RABGAP1L: variants seen among roughly 807,000 people sequenced by gnomAD.
The protein encoded by RABGAP1L is rab GTPase-activating protein 1-like.
A neutral mutation model predicts 137.7 loss-of-function variants in RABGAP1L; 63 were observed. The observed-to-expected ratio is 0.46, with a 90% CI of 0.37 to 0.56. The LOEUF (loss-of-function observed/expected upper bound fraction) is 0.56. Ranked by LOEUF, RABGAP1L falls within the 20% of genes least tolerant of loss-of-function variation. RABGAP1L has a pLI of 0.00. For synonymous variants in RABGAP1L, 431 were observed against 433.7 expected, an observed-to-expected ratio of 0.99 and a Z score of 0.08; for missense variants, 1,095 against 1,244.0, an observed-to-expected ratio of 0.88 and a Z score of 1.80.
chr1:174,599,727 C>G (rs901630327), intron 13 of RABGAP1L, among the ~76,000 whole-genome samples: 2 of 151,908 alleles, frequency 1.3e-5, no homozygotes. Flanking sequence ...TTATTTGTTT[C>G]TTTTCTTTTG....
chr1:174,980,255 C>T (rs1295276881), intron 23 of RABGAP1L, among the ~76,000 whole-genome samples: 3 of 151,950 alleles, frequency 2.0e-5, no homozygotes, highest in African/African-American at 4.8e-5. Flanking sequence ...TATTCACGGA[C>T]GATTGATAAA....
chr1:174,868,080 G>A (rs1051329470), intron 19 of RABGAP1L, among the ~76,000 whole-genome samples: 4 of 151,800 alleles, frequency 2.6e-5, no homozygotes, highest in Admixed American at 2.0e-4. Flanking sequence ...TCAGCCTCCC[G>A]AGTAGCTAGA....
chr1:174,721,840 A>G (rs1681562673), intron 17 of RABGAP1L, among the ~76,000 whole-genome samples: 2 of 152,208 alleles, frequency 1.3e-5, no homozygotes, highest in African/African-American at 4.8e-5. Context: ...TTGAAAATCT[A>G]AAATTACTCC....
chr1:174,803,925 TAGTC>T (rs1399924416), intron 18 of RABGAP1L, among the ~76,000 whole-genome samples: 1 of 151,538 alleles, frequency 6.6e-6, no homozygotes, highest in African/African-American at 2.4e-5. Flanking sequence ...ATACAAAAAT[TAGTC>T]AGGTGTGGGG....
intron 18 of RABGAP1L, among the ~76,000 whole-genome samples, chr1:174,806,121 A>G (rs573564214): frequency 1.3e-5 from 2 of 152,216 alleles, no homozygotes; most frequent in South Asian, 4.1e-4. Context: ...AGCACAACCT[A>G]TTTTGGGTAC....
At chr1:174,272,539 A>T in intron 8 of RABGAP1L, 59 bp downstream of exon 8, 1 of 1,415,458 alleles carries the variant, frequency 7.1e-7, no homozygotes, top group East Asian at 2.7e-5. Context: ...TATATTTGAC[A>T]AGTATTTTCT....
chr1:174,216,146 G>A (rs953505062), intron 1 of RABGAP1L, among the ~76,000 whole-genome samples: 5 of 152,198 alleles, frequency 3.3e-5, no homozygotes, highest in Admixed American at 1.3e-4. Flanking sequence ...AAGCTGAAAA[G>A]GGTAGTGGGA....
At chr1:174,690,113 ACTAT>A (rs1678770261) in intron 15 of RABGAP1L, among the ~76,000 whole-genome samples, 1 of 152,040 alleles carries the variant, frequency 6.6e-6, no homozygotes, top group South Asian at 2.1e-4. Context: ...ATATTTAACT[ACTAT>A]CTTATGTCTC....
At chr1:174,165,797 C>T (rs1179662218) in intron 1 of RABGAP1L, among the ~76,000 whole-genome samples, 1 of 152,130 alleles carries the variant, frequency 6.6e-6, no homozygotes, top group Non-Finnish European at 1.5e-5. Flanking sequence ...CCACGCCCGG[C>T]CCCTGAACTA....
chr1:174,896,062 A>G (rs1211945394), intron 19 of RABGAP1L, among the ~76,000 whole-genome samples: 5 of 152,168 alleles, frequency 3.3e-5, no homozygotes, highest in African/African-American at 4.8e-5. Context: ...CCCACCAACA[A>G]TGTAAAAGTG....
intron 19 of RABGAP1L, among the ~76,000 whole-genome samples, chr1:174,931,654 C>A (rs1037462683): frequency 1.2e-4 from 19 of 152,174 alleles, no homozygotes; most frequent in Non-Finnish European, 2.6e-4. Context: ...ATCTCAAGTT[C>A]AGTTATAAAA....
intron 13 of RABGAP1L, among the ~76,000 whole-genome samples, chr1:174,541,767 C>T (rs1383278778): frequency 2.0e-5 from 3 of 151,298 alleles, no homozygotes; most frequent in African/African-American, 4.9e-5. Context: ...CAGCACGAGA[C>T]TCCGTCTCAA....
chr1:174,478,764 C>A (rs923791062), intron 13 of RABGAP1L, among the ~76,000 whole-genome samples: 1 of 152,080 alleles, frequency 6.6e-6, no homozygotes, highest in Non-Finnish European at 1.5e-5. Context: ...ACTTACAAAC[C>A]GTTGCTACCT....
At chr1:174,906,483 C>T (rs954172326) in intron 19 of RABGAP1L, among the ~76,000 whole-genome samples, 9 of 151,860 alleles carry the variant, frequency 5.9e-5, no homozygotes, top group African/African-American at 9.7e-5. Flanking sequence ...CAAAAATTAG[C>T]GGGGTGTGGT....
At chr1:174,776,675 G>A (rs1055030373) in intron 18 of RABGAP1L, among the ~76,000 whole-genome samples, 1 of 152,098 alleles carries the variant, frequency 6.6e-6, no homozygotes, top group Non-Finnish European at 1.5e-5. Flanking sequence ...TTACCTGTTT[G>A]CATTTAATGG....
intron 18 of RABGAP1L, among the ~76,000 whole-genome samples, chr1:174,754,966 C>A (rs919048144): frequency 3.3e-5 from 5 of 152,312 alleles, no homozygotes; most frequent in Admixed American, 6.5e-5. Flanking sequence ...CATTAACATA[C>A]ATTAAATGTC....
At chr1:174,704,518 G>A (rs561670565) in intron 17 of RABGAP1L, among the ~76,000 whole-genome samples, 1 of 152,320 alleles carries the variant, frequency 6.6e-6, no homozygotes, top group African/African-American at 2.4e-5. Flanking sequence ...AAGCATGTAA[G>A]AGTTTTAATC....
chr1:174,369,248 G>C (rs1400823637), intron 11 of RABGAP1L, among the ~76,000 whole-genome samples: 1 of 152,100 alleles, frequency 6.6e-6, no homozygotes, highest in African/African-American at 2.4e-5. Context: ...GGAGTGCAGT[G>C]GCACAATCTT....
intron 12 of RABGAP1L, among the ~76,000 whole-genome samples, chr1:174,383,447 G>A (rs1310654481): frequency 2.6e-5 from 4 of 151,856 alleles, no homozygotes; most frequent in African/African-American, 4.8e-5. Context: ...GCGAGATTCC[G>A]TTGGCGTAGG....
Sources: allele counts gnomAD v4.1 joint callset (sites outside exome capture counted in the v4.1 genomes callset), GRCh38; gene constraint gnomAD v4.1.1; transcripts MANE v1.5; gene names NCBI Gene and HGNC (gene_info 2026-07-23, HGNC 2026-07-21).